Variants in CC2D2B observed in about 807,000 individuals in gnomAD.
CC2D2B encodes protein CC2D2B.
In CC2D2B, 128 loss-of-function variants were observed where a neutral mutation model predicts 161.2. That is an observed-to-expected ratio of 0.79 (90% CI 0.69 to 0.92). The LOEUF is 0.92. Among genes scored for constraint, CC2D2B ranks in the 40% least tolerant of loss-of-function variants. CC2D2B has a pLI of 0.00. For missense variants in CC2D2B, 1,173 were observed against 1,375.1 expected, an observed-to-expected ratio of 0.85 and a Z score of 2.32; for synonymous variants, 391 against 449.8, an observed-to-expected ratio of 0.87 and a Z score of 1.65.
intron 33 of CC2D2B, 34 bp downstream of exon 33, chr10:96,024,945 A>G: frequency 7.7e-7 from 1 of 1,302,034 alleles, no homozygotes; most frequent in Non-Finnish European, 1.1e-6. Context: ...TTGTTGGGTT[A>G]CCTTTCAGTC....
intron 23 of CC2D2B, among the ~76,000 whole-genome samples, 182 bp downstream of exon 23, chr10:95,995,547 A>T (rs547154094): frequency 6.6e-6 from 1 of 152,220 alleles, no homozygotes; most frequent in Non-Finnish European, 1.5e-5. Flanking sequence ...CTCAGGGTCT[A>T]TATGATAAGG....
intron 12 of CC2D2B, among the ~76,000 whole-genome samples, chr10:95,963,460 G>A (rs920038540): frequency 2.0e-5 from 3 of 152,126 alleles, no homozygotes; most frequent in African/African-American, 7.2e-5. Flanking sequence ...ATGCCTTTGA[G>A]ATATCTCTAA....
intron 2 of CC2D2B, 58 bp from the exon 3 acceptor site, chr10:95,921,958 A>AATG: frequency 1.1e-6 from 1 of 924,538 alleles, no homozygotes; most frequent in Non-Finnish European, 1.7e-6. Flanking sequence ...TAATAATAAT[A>AATG]AAAGATGTTC....
rs2080111888 is a variant in CC2D2B, at chr10:96,033,059, A to G, written c.*1051A>G. ...CATATGACAAAATAACTTATCAAAA[A>G]GAAATAATCAAGGAGTATGGATTTC... On this transcript the variant is annotated 3_prime_UTR_variant, in exon 35 of 35. Transcript: ENST00000646931. Among the ~76,000 whole-genome samples the G allele has an allele frequency of 6.6e-6, 1 of 152,226 alleles. No individual in the cohort carries two copies. Among genetic ancestry groups the G allele is most frequent in the African/African-American group, 2.4e-5 (1 of 41,466 alleles).
At chr10:95,923,128 T>C (rs1279864562) in intron 3 of CC2D2B, among the ~76,000 whole-genome samples, 1 of 152,066 alleles carries the variant, frequency 6.6e-6, no homozygotes, top group Non-Finnish European at 1.5e-5. Context: ...AATTTTGTAT[T>C]TTTAGTAGAG....
At chr10:95,967,689 A>G (rs1007484528) in intron 14 of CC2D2B, among the ~76,000 whole-genome samples, 1 of 152,202 alleles carries the variant, frequency 6.6e-6, no homozygotes, top group Non-Finnish European at 1.5e-5. Context: ...TTTAAAATCA[A>G]TACTTTTAGA....
At chr10:95,972,520 A>C (rs1340447953) in intron 16 of CC2D2B, among the ~76,000 whole-genome samples, 1 of 151,936 alleles carries the variant, frequency 6.6e-6, no homozygotes, top group Non-Finnish European at 1.5e-5. Flanking sequence ...CACCATTTTA[A>C]CCAGGCTGGT....
At chr10:95,923,344 C>T (rs1249705775) in intron 3 of CC2D2B, among the ~76,000 whole-genome samples, 3 of 152,152 alleles carry the variant, frequency 2.0e-5, no homozygotes, top group African/African-American at 4.8e-5. Flanking sequence ...CCTCGGCCTC[C>T]CAAAATGCTG....
At chr10:95,934,555 G>A (rs1357060796) in intron 6 of CC2D2B, among the ~76,000 whole-genome samples, 1 of 152,214 alleles carries the variant, frequency 6.6e-6, no homozygotes, top group African/African-American at 2.4e-5. Context: ...GCCCCCAAGG[G>A]AATCTCCTGG....
At chr10:95,984,832 T>C (rs1207305397) in intron 19 of CC2D2B, 1 of 152,040 alleles carries the variant, frequency 6.6e-6, no homozygotes. Flanking sequence ...CTCCTGCCAC[T>C]GCACTCCAGT....
intron 22 of CC2D2B, among the ~76,000 whole-genome samples, chr10:95,994,109 C>T (rs1161186408): frequency 3.3e-5 from 5 of 150,106 alleles, no homozygotes; most frequent in African/African-American, 1.2e-4. Flanking sequence ...CCGCTGGGCC[C>T]AGGGGACCAC....
intron 24 of CC2D2B, among the ~76,000 whole-genome samples, chr10:95,998,941 T>C (rs2078345625): frequency 6.6e-6 from 1 of 151,924 alleles, no homozygotes; most frequent in African/African-American, 2.4e-5. Flanking sequence ...GATGGTGAGC[T>C]GTGCTGGTGG....
At chr10:95,988,502 C>G (rs1272101962) in intron 20 of CC2D2B, among the ~76,000 whole-genome samples, 160 bp downstream of exon 20, 1 of 152,162 alleles carries the variant, frequency 6.6e-6, no homozygotes, top group African/African-American at 2.4e-5. Context: ...TTTCAGACCT[C>G]TTTTTGAGAG....
intron 6 of CC2D2B, among the ~76,000 whole-genome samples, chr10:95,927,667 C>T (rs1317610255): frequency 6.6e-6 from 1 of 151,832 alleles, no homozygotes; most frequent in African/African-American, 2.4e-5. Flanking sequence ...GCTGTCAGCT[C>T]AAAAGCCTGT....
At chr10:95,955,925 G>A (rs987295887) in intron 11 of CC2D2B, among the ~76,000 whole-genome samples, 1 of 152,190 alleles carries the variant, frequency 6.6e-6, no homozygotes, top group Non-Finnish European at 1.5e-5. Flanking sequence ...TTGGCTTATA[G>A]ACTGGAAAGC....
intron 18 of CC2D2B, among the ~76,000 whole-genome samples, chr10:95,982,969 A>C (rs1416653201): frequency 6.6e-6 from 1 of 151,566 alleles, no homozygotes; most frequent in Non-Finnish European, 1.5e-5. Context: ...AGGGGGTTTT[A>C]CCATGTTGGC....
In CC2D2B at chr10:96,019,772, G is replaced by A. The variant is rs2079373231; in HGVS notation, c.3836G>A (p.Trp1279Ter). The A allele has an allele frequency of 6.2e-6, 10 of 1,602,590 alleles. No homozygotes were observed. The highest frequency in any genetic ancestry group is 4.5e-5 in the East Asian group (2 of 44,588). ...VFFDYSKESF[W>*]KQLLPKNVQG... ...TTTGACTATTCAAAGGAAAGTTTCTGGAAGCAGTTGCTTCCAAAAAACGTT... is the reference window on the plus strand; with the variant it reads ...TTTGACTATTCAAAGGAAAGTTTCTAGAAGCAGTTGCTTCCAAAAAACGTT... Residue 1279 changes from tryptophan to a stop codon, truncating the protein, a stop_gained, in exon 32 of 35, where the codon TGG becomes TAG. Coordinates refer to ENST00000646931, the MANE Select transcript of CC2D2B (RefSeq NM_001349008.3). LOFTEE classifies it high-confidence loss of function.
Position 96,019,352 on chromosome 10 carries a change from A to C in CC2D2B, c.3765+15A>C, listed in dbSNP as rs374269915. Reference sequence around the variant, plus strand: ...ATGATAGAAATGTAAGTATATGGGGAAAAAAAATCTTGAGTTATCTCCTCT... The same window carrying C: ...ATGATAGAAATGTAAGTATATGGGGCAAAAAAATCTTGAGTTATCTCCTCT... On this transcript the variant is annotated intron_variant, in intron 31 of 34. Coordinates refer to ENST00000646931, the MANE Select transcript of CC2D2B (RefSeq NM_001349008.3). 12 of 1,592,594 alleles carry C rather than the reference A, an allele frequency of 7.5e-6. No homozygotes were observed. In the African/African-American group the frequency reaches 1.5e-4, roughly 20 times the overall value.
intron 10 of CC2D2B, among the ~76,000 whole-genome samples, chr10:95,955,030 CAT>C (rs2076526986): frequency 1.3e-5 from 2 of 152,050 alleles, no homozygotes; most frequent in Admixed American, 1.3e-4. Context: ...TAAAGACAGA[CAT>C]ATATTTTTTC....
Sources: allele counts gnomAD v4.1 joint callset (sites outside exome capture counted in the v4.1 genomes callset), GRCh38; gene constraint gnomAD v4.1.1; transcripts MANE v1.5; gene names NCBI Gene and HGNC (gene_info 2026-07-23, HGNC 2026-07-21).